The following CNTN4 variants were observed in gnomAD, a reference collection of about 807,000 sequenced individuals.
CNTN4 encodes the protein contactin 4.
Under a neutral mutation model 122.5 loss-of-function variants are expected in CNTN4, and 77 were observed. The observed-to-expected ratio is 0.63, with a 90% confidence interval of 0.52 to 0.76. The LOEUF (loss-of-function observed/expected upper bound fraction) is 0.76. CNTN4 is among the 30% of genes least tolerant of loss of function. CNTN4 has a pLI of 0.00. For synonymous variants in CNTN4, 512 were observed against 447.0 expected (o/e 1.15, Z -1.83); for missense variants, 1,256 against 1,259.1 (o/e 1.00, Z 0.04).
At chr3:2,464,471 G>A (rs1347213717) in intron 3 of CNTN4, among the ~76,000 whole-genome samples, 1 of 152,186 alleles carries the variant, frequency 6.6e-6, no homozygotes, top group Non-Finnish European at 1.5e-5. Flanking sequence ...TAAAAAGTAG[G>A]CATAAAGGTA....
chr3:2,103,096 TAA>T (rs1445139614), intron 2 of CNTN4, among the ~76,000 whole-genome samples: 1 of 152,074 alleles, frequency 6.6e-6, no homozygotes, highest in Non-Finnish European at 1.5e-5. Context: ...ATAGAGAAAT[TAA>T]GTTATTTGTT....
At chr3:2,198,240 G>T (rs1386686862) in intron 2 of CNTN4, among the ~76,000 whole-genome samples, 2 of 152,030 alleles carry the variant, frequency 1.3e-5, no homozygotes, top group African/African-American at 4.8e-5. Flanking sequence ...TATTAACTTG[G>T]TTGCTCTCAG....
intron 3 of CNTN4, among the ~76,000 whole-genome samples, chr3:2,518,659 A>G (rs533112284): frequency 6.6e-6 from 1 of 152,302 alleles, no homozygotes; most frequent in South Asian, 2.1e-4. Flanking sequence ...TAACTAGTAA[A>G]TAAAACATAT....
chr3:2,186,071 C>T (rs2037243422), intron 2 of CNTN4, among the ~76,000 whole-genome samples: 1 of 151,682 alleles, frequency 6.6e-6, no homozygotes, highest in Admixed American at 6.6e-5. Context: ...CTAATGCTAT[C>T]CCTCCCCCTT....
intron 12 of CNTN4, among the ~76,000 whole-genome samples, chr3:2,916,015 G>T (rs191171285): frequency 1.1e-4 from 17 of 152,266 alleles, no homozygotes; most frequent in African/African-American, 3.9e-4. Flanking sequence ...GTTACCAGGG[G>T]CTGGGAGAGA....
intron 7 of CNTN4, among the ~76,000 whole-genome samples, chr3:2,857,617 G>A (rs2093630211): frequency 6.6e-6 from 1 of 151,964 alleles, no homozygotes; most frequent in Non-Finnish European, 1.5e-5. Flanking sequence ...TTGCTCTGTT[G>A]GCCAGGCTGG....
At chr3:2,534,622 C>G (rs891499683) in intron 3 of CNTN4, among the ~76,000 whole-genome samples, 7 of 151,772 alleles carry the variant, frequency 4.6e-5, no homozygotes, top group Non-Finnish European at 7.4e-5. Flanking sequence ...ATTACGTGTC[C>G]TCTGGCACTG....
intron 4 of CNTN4, among the ~76,000 whole-genome samples, chr3:2,604,697 A>C (rs532736608): frequency 6.6e-6 from 1 of 152,316 alleles, no homozygotes; most frequent in Non-Finnish European, 1.5e-5. Flanking sequence ...TATGATTTAC[A>C]TATAAAAAGC....
chr3:3,002,043 G>A (rs752430933), intron 14 of CNTN4, among the ~76,000 whole-genome samples: 10 of 152,186 alleles, frequency 6.6e-5, no homozygotes, highest in Non-Finnish European at 1.0e-4. Flanking sequence ...AAACAAATTA[G>A]CCCTGTCTTT....
At chr3:2,561,596 C>T (rs182649924) in intron 3 of CNTN4, among the ~76,000 whole-genome samples, 16 of 152,084 alleles carry the variant, frequency 1.1e-4, no homozygotes, top group African/African-American at 1.2e-4. Flanking sequence ...GCAAGTTTGC[C>T]GACTCAAACT....
intron 4 of CNTN4, among the ~76,000 whole-genome samples, chr3:2,635,147 G>T (rs757466356): frequency 6.6e-6 from 1 of 151,840 alleles, no homozygotes; most frequent in African/African-American, 2.4e-5. Context: ...CACTCTCTAC[G>T]CACCTGTTCA....
intron 6 of CNTN4, among the ~76,000 whole-genome samples, chr3:2,750,351 A>G (rs1250862069): frequency 1.3e-5 from 2 of 152,226 alleles, no homozygotes; most frequent in Non-Finnish European, 2.9e-5. Context: ...ATTGATTATT[A>G]AAAATGTTTT....
chr3:2,261,138 A>C (rs908716836), intron 2 of CNTN4, among the ~76,000 whole-genome samples: 1 of 152,190 alleles, frequency 6.6e-6, no homozygotes, highest in Non-Finnish European at 1.5e-5. Context: ...TCACATTTGG[A>C]GGTAGAAAAA....
Position 2,722,603 on chromosome 3 carries a change from G to A in CNTN4, c.56-13612G>A, listed in dbSNP as rs79598089. On this transcript the variant is annotated intron_variant, in intron 4 of 24. Transcript: ENST00000418658. ...GTGCTTTTTACCTCATCTTAAGAAAGCTAAGAAAACGTTTTTTTCCTCTCT... is the reference window on the plus strand; with the variant it reads ...GTGCTTTTTACCTCATCTTAAGAAAACTAAGAAAACGTTTTTTTCCTCTCT... Among the ~76,000 whole-genome samples, 953 of 152,138 alleles carry A rather than the reference G, an allele frequency of 6.3e-3. 2 individuals carry two copies. Among genetic ancestry groups the A allele is most frequent in the Non-Finnish European group, 0.01 (695 of 68,020 alleles).
chr3:2,159,563 C>T (rs942980610), intron 2 of CNTN4, among the ~76,000 whole-genome samples: 1 of 152,094 alleles, frequency 6.6e-6, no homozygotes. Flanking sequence ...TCTCATTTTC[C>T]TGCCCTGGAG....
At chr3:2,539,516 A>G (rs1218215252) in intron 3 of CNTN4, among the ~76,000 whole-genome samples, 1 of 152,098 alleles carries the variant, frequency 6.6e-6, no homozygotes, top group Admixed American at 6.6e-5. Flanking sequence ...GAACAAAAGT[A>G]TTTAGAAATG....
chr3:2,185,710 T>G (rs1439096187), intron 2 of CNTN4, among the ~76,000 whole-genome samples: 1 of 152,296 alleles, frequency 6.6e-6, no homozygotes, highest in African/African-American at 2.4e-5. Context: ...TCCAGAGATC[T>G]TGGACTGCCA....
intron 3 of CNTN4, among the ~76,000 whole-genome samples, chr3:2,414,859 A>C (rs575092711): frequency 6.6e-6 from 1 of 152,338 alleles, no homozygotes; most frequent in Non-Finnish European, 1.5e-5. Context: ...ACTTAAGAAT[A>C]TATGTTCAAG....
chr3:2,105,709 C>T (rs1287750972), intron 2 of CNTN4, among the ~76,000 whole-genome samples: 1 of 152,160 alleles, frequency 6.6e-6, no homozygotes, highest in Non-Finnish European at 1.5e-5. Flanking sequence ...GACACAGAGC[C>T]AAACCATATC....
Sources: gnomAD v4.1 joint callset for allele counts (sites outside exome capture counted in the v4.1 genomes callset) on GRCh38, gnomAD v4.1.1 for gene constraint, MANE v1.5 for transcripts, NCBI Gene and HGNC (gene_info 2026-07-23, HGNC 2026-07-21) for gene names.